The following AIG1 variants were observed in gnomAD, a reference collection of about 807,000 sequenced individuals.
The protein encoded by AIG1 is androgen-induced gene 1 protein.
AIG1 carries 23 observed loss-of-function variants against 31.4 expected under a neutral mutation model. The ratio of observed to expected loss-of-function variants is 0.73; its 90% CI spans 0.53 to 1.04. AIG1 has a LOEUF of 1.04. Among genes scored for constraint, AIG1 ranks in the 50% least tolerant of loss-of-function variants. The pLI, the probability that AIG1 is intolerant of heterozygous loss-of-function variation, is 0.00. For missense variants in AIG1, 274 were observed against 295.0 expected, an observed-to-expected ratio of 0.93 and a Z score of 0.52; for synonymous variants, 100 against 110.5, an observed-to-expected ratio of 0.90 and a Z score of 0.60.
Position 143,326,010 on chromosome 6 carries a change from C to G in AIG1, c.516-7272C>G, listed in dbSNP as rs1776577495. 1.3e-5 allele frequency among the ~76,000 whole-genome samples: 2 copies of G among 152,180 alleles called. No homozygotes were observed. Among genetic ancestry groups the G allele is most frequent in the African/African-American group, 4.8e-5 (2 of 41,444 alleles). On this transcript the variant is annotated intron_variant, in intron 4 of 5. Coordinates refer to ENST00000357847, the MANE Select transcript of AIG1 (RefSeq NM_016108.4). The surrounding 1 kb of genome is among the most constrained non-coding windows in gnomAD (Gnocchi z 4.5). ...TAACAACCAGCTCTCATGACAATCT[C>G]CAGCACGCCACACTCATGACTCAAC...
At chr6:143,107,718 G>A (rs1780928893) in intron 1 of AIG1, among the ~76,000 whole-genome samples, 2 of 152,108 alleles carry the variant, frequency 1.3e-5, no homozygotes, top group African/African-American at 2.4e-5. Context: ...GAGGTGGAAG[G>A]GACATATTCT....
rs530987025 is a variant in AIG1, at chr6:143,251,482, T to A, written c.400-32628T>A. Reference sequence around the variant, plus strand: ...TCTTGAAAACAAACACACCTGACACTGTTTGCAAACTAGATTGGACTCTTC... The same window carrying A: ...TCTTGAAAACAAACACACCTGACACAGTTTGCAAACTAGATTGGACTCTTC... On this transcript the variant is annotated intron_variant, in intron 3 of 5. Transcript: ENST00000357847. Among the ~76,000 whole-genome samples, 25 of 151,952 alleles carry A rather than the reference T, an allele frequency of 1.6e-4. No individual in the cohort carries two copies. The South Asian group carries it at 4.8e-3, about 29-fold the overall frequency.
intron 1 of AIG1, among the ~76,000 whole-genome samples, chr6:143,072,489 T>A (rs1428134588): frequency 1.3e-5 from 2 of 152,160 alleles, no homozygotes; most frequent in African/African-American, 2.4e-5. Flanking sequence ...AGAGCAGATA[T>A]CCTTAGAAGG....
intron 3 of AIG1, among the ~76,000 whole-genome samples, chr6:143,216,287 T>C (rs896015291): frequency 6.6e-6 from 1 of 152,204 alleles, no homozygotes; most frequent in African/African-American, 2.4e-5. Flanking sequence ...CGAGGGCTTT[T>C]CTAAGTTTCT....
chr6:143,116,000 GAAT>G (rs1489953008), intron 1 of AIG1, among the ~76,000 whole-genome samples: 2 of 152,214 alleles, frequency 1.3e-5, no homozygotes, highest in Non-Finnish European at 2.9e-5. Flanking sequence ...GTCAGACACT[GAAT>G]CAAGAGTTGG....
intron 1 of AIG1, among the ~76,000 whole-genome samples, chr6:143,135,344 A>T (rs1583286675): frequency 6.6e-6 from 1 of 152,144 alleles, no homozygotes; most frequent in Non-Finnish European, 1.5e-5. Flanking sequence ...TAGGATATGA[A>T]AAATAGAAAG....
At chr6:143,335,050 G>A in intron 5 of AIG1, 2 of 1,409,850 alleles carry the variant, frequency 1.4e-6, no homozygotes, top group Non-Finnish European at 1.9e-6. Context: ...ATTCATTTTA[G>A]ATATGAAAAT....
intron 2 of AIG1, among the ~76,000 whole-genome samples, chr6:143,160,579 C>G (rs1052973877): frequency 6.6e-6 from 1 of 152,188 alleles, no homozygotes; most frequent in African/African-American, 2.4e-5. Flanking sequence ...TGAGGAATAG[C>G]TGGCCATTGC....
intron 3 of AIG1, among the ~76,000 whole-genome samples, chr6:143,272,199 A>T (rs1268209391): frequency 6.6e-6 from 1 of 152,220 alleles, no homozygotes; most frequent in Non-Finnish European, 1.5e-5. Flanking sequence ...CACGAAAAAG[A>T]GGGATTAACT....
chr6:143,212,557 A>G (rs1243548392), intron 3 of AIG1, among the ~76,000 whole-genome samples: 1 of 152,202 alleles, frequency 6.6e-6, no homozygotes, highest in Non-Finnish European at 1.5e-5. Flanking sequence ...TGACCAGACC[A>G]TGAATTCCTG....
chr6:143,154,015 C>T (rs1016266288), intron 2 of AIG1, among the ~76,000 whole-genome samples: 2 of 151,454 alleles, frequency 1.3e-5, no homozygotes, highest in African/African-American at 4.9e-5. Flanking sequence ...CTTTGGGAGG[C>T]CAAGGCTGGA....
rs574427455 is a variant in AIG1 at position 143,187,358 on chromosome 6, T to C, written c.399+22175T>C. On this transcript the variant is annotated intron_variant, in intron 3 of 5. Transcript: ENST00000357847. The stretch of plus-strand genomic sequence containing the variant: ...ACCACAGATATTTTGCTGCATTCCA[T>C]GGTGTCTCATTTATTTGTTTAATTT... The C allele has an allele frequency of 1.5e-4, 225 of 1,509,924 alleles. 1 individual carries two copies. The African/African-American group carries it at 2.8e-3, about 19-fold the overall frequency. The allele number at this position is 1,509,924 out of a possible 1,614,324, so 93.5% of individuals were successfully genotyped here. A position where few individuals can be genotyped will look rare whatever the true frequency, so the allele number is the denominator to read the frequency against.
At position 143,256,087 on chromosome 6, in the gene AIG1, A is replaced by T. The variant is rs1441558923; in HGVS notation, c.400-28023A>T. ...TTGAGCAAATATATAAAACTTTATAAATCAAATTTCTGAGCTAGATAAACA... is the reference window on the plus strand; with the variant it reads ...TTGAGCAAATATATAAAACTTTATATATCAAATTTCTGAGCTAGATAAACA... On this transcript the variant is annotated intron_variant, in intron 3 of 5. Transcript: ENST00000357847. This position sits in a 1 kb window ranked among gnomAD's most constrained non-coding sequence, Gnocchi z 4.6. Among the ~76,000 whole-genome samples, 9 of 152,208 alleles carry T rather than the reference A, an allele frequency of 5.9e-5. No homozygotes were observed. The highest frequency in any genetic ancestry group is 3.3e-4 in the Admixed American group (5 of 15,284).
intron 4 of AIG1, among the ~76,000 whole-genome samples, chr6:143,294,151 G>T (rs1798258051): frequency 6.6e-6 from 1 of 152,026 alleles, no homozygotes; most frequent in Non-Finnish European, 1.5e-5. Context: ...TACCTCTCCT[G>T]GGACCCCATT....
rs1377759513 is a variant in AIG1, at chr6:143,279,644, AGTTCACAGCCTCCATGG to A, written c.400-4465_400-4449del. 6.6e-6 allele frequency among the ~76,000 whole-genome samples: 1 copy of A among 152,144 alleles called. No homozygotes were observed. The highest frequency in any genetic ancestry group is 1.5e-5 in the Non-Finnish European group (1 of 68,016). ...AGACCTTTGTCACGGGAGGCTGGTCAGTTCACAGCCTCCATGGCAGTGGAGTCAGTTCACTCCGCTCC... is the reference window on the plus strand; with the variant it reads ...AGACCTTTGTCACGGGAGGCTGGTCACAGTGGAGTCAGTTCACTCCGCTCC... On this transcript the variant is annotated intron_variant, in intron 3 of 5. Coordinates refer to ENST00000357847, the MANE Select transcript of AIG1 (RefSeq NM_016108.4). This position sits in a 1 kb window ranked among gnomAD's most constrained non-coding sequence, Gnocchi z 5.4.
Position 143,334,105 on chromosome 6 carries a change from CT to C in AIG1, c.679+662del. Reference sequence around the variant, plus strand: ...CCTCCATCTTGGCAAGGCACGTAATCTTATCCAAGCTGTGCAAAACCTGTCC... The same window carrying C: ...CCTCCATCTTGGCAAGGCACGTAATCTATCCAAGCTGTGCAAAACCTGTCC... On this transcript the variant is annotated intron_variant, in intron 5 of 5. Coordinates refer to ENST00000357847, the MANE Select transcript of AIG1 (RefSeq NM_016108.4). The surrounding 1 kb of genome is among the most constrained non-coding windows in gnomAD (Gnocchi z 5.1). 17 of 1,550,372 alleles carry C rather than the reference CT, an allele frequency of 1.1e-5. No homozygotes were observed. The highest frequency in any genetic ancestry group is 1.5e-5 in the Non-Finnish European group (17 of 1,146,858).
chr6:143,249,975 T>C (rs1256837639), intron 3 of AIG1, among the ~76,000 whole-genome samples: 4 of 152,222 alleles, frequency 2.6e-5, no homozygotes, highest in African/African-American at 9.6e-5. Context: ...AGTGGAATAC[T>C]GAGATGTACA....
At chr6:143,259,993 G>A (rs1795633344) in intron 3 of AIG1, among the ~76,000 whole-genome samples, 1 of 151,104 alleles carries the variant, frequency 6.6e-6, no homozygotes, top group Admixed American at 6.6e-5. Flanking sequence ...TGAAGACAGT[G>A]AGGGTCTTGT....
Position 143,298,441 on chromosome 6 carries a change from A to C in AIG1, c.515+14216A>C, listed in dbSNP as rs1798596116. Among the ~76,000 whole-genome samples, 1 of 152,266 alleles carries C rather than the reference A, an allele frequency of 6.6e-6. No homozygotes were observed. Among genetic ancestry groups the C allele is most frequent in the African/African-American group, 2.4e-5 (1 of 41,470 alleles). On this transcript the variant is annotated intron_variant, in intron 4 of 5. Transcript: ENST00000357847. The surrounding 1 kb of genome is among the most constrained non-coding windows in gnomAD (Gnocchi z 5.1). ...ATAAAGAAATAGTTAATATGAATAC[A>C]AGGTGAAACAGTGCTATTTGCCTAT...
Sources: allele counts gnomAD v4.1 joint callset (sites outside exome capture counted in the v4.1 genomes callset), GRCh38; gene constraint gnomAD v4.1.1; non-coding constraint Gnocchi (gnomAD v3.1); transcripts MANE v1.5; gene names NCBI Gene and HGNC (gene_info 2026-07-23, HGNC 2026-07-21).